The following CDH23 variants were observed in gnomAD, a reference collection of about 807,000 sequenced individuals.
The protein encoded by CDH23 is cadherin-23.
CDH23 carries 189 observed loss-of-function variants against 317.1 expected under a neutral mutation model. The ratio of observed to expected loss-of-function variants is 0.60; its 90% CI spans 0.53 to 0.67. CDH23 has a LOEUF of 0.67. Ranked by LOEUF, CDH23 falls within the 30% of genes least tolerant of loss-of-function variation. The probability of loss-of-function intolerance (pLI) is 0.00; values close to 1 mark genes in which losing one functional copy is unlikely to be tolerated. For missense variants in CDH23, 4,401 were observed against 4,592.4 expected (o/e 0.96, Z 1.20); for synonymous variants, 1,839 against 1,876.8 (o/e 0.98, Z 0.52).
intron 8 of CDH23, 35 bp from the exon 9 acceptor site, chr10:71,577,879 G>C (rs144994794): frequency 6.5e-7 from 1 of 1,539,204 alleles, no homozygotes; most frequent in South Asian, 1.2e-5. Flanking sequence ...GCAGCCAGGG[G>C]ACCCAAACTC....
intron 11 of CDH23, among the ~76,000 whole-genome samples, chr10:71,637,958 G>A (rs1862356095): frequency 6.6e-6 from 1 of 151,714 alleles, no homozygotes; most frequent in African/African-American, 2.4e-5. Flanking sequence ...CCTCCTCCAA[G>A]GGCACATTGT....
At chr10:71,457,650 G>A (rs1490925457) in intron 3 of CDH23, among the ~76,000 whole-genome samples, 1 of 152,220 alleles carries the variant, frequency 6.6e-6, no homozygotes, top group African/African-American at 2.4e-5. Context: ...GCCCCGGACT[G>A]GGGCCGGTGC....
chr10:71,662,693 C>G (rs1353756913), intron 14 of CDH23, among the ~76,000 whole-genome samples: 2 of 152,180 alleles, frequency 1.3e-5, no homozygotes, highest in African/African-American at 4.8e-5. Flanking sequence ...CCACATCATC[C>G]CAACTCGATA....
At chr10:71,800,573 G>A in intron 52 of CDH23, 63 bp from the exon 53 acceptor site, 1 of 1,550,002 alleles carries the variant, frequency 6.5e-7, no homozygotes, top group Admixed American at 1.9e-5. Flanking sequence ...TCTGGCCATA[G>A]TAGGTGCTCA....
intron 3 of CDH23, among the ~76,000 whole-genome samples, chr10:71,467,845 T>G (rs1315512103): frequency 6.6e-6 from 1 of 152,132 alleles, no homozygotes; most frequent in African/African-American, 2.4e-5. Flanking sequence ...ACACTTCAAG[T>G]TAAGGCAAAG....
At chr10:71,528,353 A>G (rs1175279112) in intron 6 of CDH23, among the ~76,000 whole-genome samples, 2 of 152,082 alleles carry the variant, frequency 1.3e-5, no homozygotes, top group Non-Finnish European at 2.9e-5. Flanking sequence ...GGCAGGGCGT[A>G]TGTTGGTAAA....
At chr10:71,402,613 A>G (rs535107362) in intron 1 of CDH23, among the ~76,000 whole-genome samples, 1 of 152,324 alleles carries the variant, frequency 6.6e-6, no homozygotes, top group South Asian at 2.1e-4. Context: ...ACTTACTTAT[A>G]TGTTAGGCAC....
intron 44 of CDH23, 118 bp from the exon 45 acceptor site, chr10:71,788,822 G>A (rs1841167610): frequency 1.5e-6 from 1 of 663,464 alleles, no homozygotes. Context: ...TGTTGGTGTG[G>A]GCTTTTCTGA....
chr10:71,701,821 C>T (rs1865596344), intron 22 of CDH23, among the ~76,000 whole-genome samples: 1 of 152,176 alleles, frequency 6.6e-6, no homozygotes, highest in African/African-American at 2.4e-5. Flanking sequence ...CCCAGCCATT[C>T]CCAGCCCCTC....
intron 17 of CDH23, among the ~76,000 whole-genome samples, chr10:71,682,196 T>C (rs1405468516): frequency 1.3e-5 from 2 of 152,234 alleles, no homozygotes; most frequent in African/African-American, 4.8e-5. Flanking sequence ...TGAGCTTGGT[T>C]TCTTCATCTG....
chr10:71,671,709 G>A (rs1477865700), intron 14 of CDH23, among the ~76,000 whole-genome samples: 1 of 152,148 alleles, frequency 6.6e-6, no homozygotes, highest in African/African-American at 2.4e-5. Flanking sequence ...CCTCTCTGGA[G>A]TCGGGTCAGC....
At chr10:71,486,786 T>C (rs996491423) in intron 3 of CDH23, among the ~76,000 whole-genome samples, 5 of 152,114 alleles carry the variant, frequency 3.3e-5, no homozygotes, top group Admixed American at 1.3e-4. Flanking sequence ...AGCTGGAAAT[T>C]GCTGTGCAGG....
chr10:71,454,991 C>T (rs1020906484), intron 3 of CDH23, among the ~76,000 whole-genome samples: 1 of 151,950 alleles, frequency 6.6e-6, no homozygotes, highest in Non-Finnish European at 1.5e-5. Context: ...GCTAATGAAG[C>T]AACACCTGGC....
chr10:71,805,937 A>C lies in CDH23; in HGVS notation c.8004A>C (p.Pro2668=), dbSNP rs376111586. The C allele has an allele frequency of 6.2e-7, 1 of 1,613,588 alleles. No individual in the cohort carries two copies. Among genetic ancestry groups the C allele is most frequent in the South Asian group, 1.1e-5 (1 of 90,964 alleles). The change falls in exon 56 of 70, where the codon CCA becomes CCC. Residue 2668 remains proline (P), a synonymous_variant. Coordinates refer to ENST00000224721, the MANE Select transcript of CDH23 (RefSeq NM_022124.6). ...ACTGGGAGTTCTTCATCATCGACCC[A>C]ATCAGCGGCCTCATCCAGACTGCTC... ...NRDWEFFIID[P]ISGLIQTAQR...
chr10:71,426,235 C>T (rs1229212440), intron 1 of CDH23, among the ~76,000 whole-genome samples: 8 of 152,234 alleles, frequency 5.3e-5, no homozygotes, highest in East Asian at 1.9e-4. Flanking sequence ...GGTCAGCATC[C>T]GAGAGGCTGA....
chr10:71,664,117 C>G (rs1863790162), intron 14 of CDH23, among the ~76,000 whole-genome samples: 1 of 152,154 alleles, frequency 6.6e-6, no homozygotes. Context: ...CCCAACACCC[C>G]TCCTCCAGGC....
intron 9 of CDH23, among the ~76,000 whole-genome samples, chr10:71,585,339 A>T (rs886412121): frequency 7.9e-4 from 120 of 152,290 alleles, no homozygotes; most frequent in African/African-American, 2.6e-3. Flanking sequence ...ACATGTACCA[A>T]AACACCCCAT....
chr10:71,566,674 A>C (rs921611729), intron 6 of CDH23, 68 bp from the exon 7 acceptor site: 4 of 1,408,756 alleles, frequency 2.8e-6, no homozygotes, highest in Non-Finnish European at 1.9e-6. Flanking sequence ...GCTTTGAGGG[A>C]CTCAGCCCTG....
rs1431642806 is a variant in CDH23, at chr10:71,566,989, G to T, written c.624+53G>T. On this transcript the variant is annotated intron_variant, in intron 7 of 69. Coordinates refer to ENST00000224721, the MANE Select transcript of CDH23 (RefSeq NM_022124.6). ...GTCCCAGCTGCCTCTTCCCACCCTG[G>T]AAGAGAGTGACGGGGCATTCCAATG... The T allele has an allele frequency of 3.9e-6, 6 of 1,557,432 alleles. No homozygotes were observed. The African/African-American group carries it at 6.8e-5, about 18-fold the overall frequency.
Sources: gnomAD v4.1 joint callset for allele counts (sites outside exome capture counted in the v4.1 genomes callset) on GRCh38, gnomAD v4.1.1 for gene constraint, MANE v1.5 for transcripts, NCBI Gene and HGNC (gene_info 2026-07-23, HGNC 2026-07-21) for gene names.